Variants in VANGL2 observed in about 807,000 individuals in gnomAD.
VANGL2 encodes vang-like protein 2.
In VANGL2, 14 loss-of-function variants were observed where a neutral mutation model predicts 50.2. The observed-to-expected ratio is 0.28, with a 90% CI of 0.18 to 0.44. The LOEUF (loss-of-function observed/expected upper bound fraction) is 0.44. Ranked by LOEUF, VANGL2 falls within the 20% of genes least tolerant of loss-of-function variation. The pLI, the probability that VANGL2 is intolerant of heterozygous loss-of-function variation, is 1.00. For synonymous variants in VANGL2, 295 were observed against 297.2 expected, an observed-to-expected ratio of 0.99 and a Z score of 0.08; for missense variants, 533 against 701.5, an observed-to-expected ratio of 0.76 and a Z score of 2.71.
Position 160,419,501 on chromosome 1 carries a change from A to G in VANGL2, c.692A>G (p.Tyr231Cys). The G allele has an allele frequency of 6.2e-7, 1 of 1,603,492 alleles. No individual in the cohort carries two copies. Among genetic ancestry groups the G allele is most frequent in the Non-Finnish European group, 8.5e-7 (1 of 1,179,840 alleles). The change falls in exon 4 of 8, where the codon TAC becomes TGC. Residue 231 changes from tyrosine (Y) to cysteine (C), a missense_variant. Coordinates refer to ENST00000368061, the MANE Select transcript of VANGL2 (RefSeq NM_020335.3). The surrounding 1 kb of genome is among the most constrained non-coding windows in gnomAD (Gnocchi z 5.8). Reference protein sequence around the residue: ...SLVDALLFVHYLAVVLLELRQ... With the variant: ...SLVDALLFVHCLAVVLLELRQ... Reference sequence around the variant, plus strand: ...GTGGACGCCCTTCTTTTCGTGCACTACCTGGCCGTGGTCCTGCTGGAGCTG... The same window carrying G: ...GTGGACGCCCTTCTTTTCGTGCACTGCCTGGCCGTGGTCCTGCTGGAGCTG...
At chr1:160,406,072 T>C (rs779943166) in intron 1 of VANGL2, among the ~76,000 whole-genome samples, 5 of 152,184 alleles carry the variant, frequency 3.3e-5, no homozygotes, top group Non-Finnish European at 7.3e-5. Context: ...ATATTCTGCA[T>C]ACATTATTTT....
Position 160,427,406 on chromosome 1 carries a change from C to A in VANGL2, c.*2028C>A, listed in dbSNP as rs1282926644. The A allele has an allele frequency of 6.6e-6, 1 of 152,112 alleles. No homozygotes were observed. Among genetic ancestry groups the A allele is most frequent in the Non-Finnish European group, 1.5e-5 (1 of 67,952 alleles). 9.4% of individuals were successfully genotyped at this position (152,112 alleles called of 1,614,324 possible). A position where few individuals can be genotyped will look rare whatever the true frequency, so the allele number is the denominator to read the frequency against. On this transcript the variant is annotated 3_prime_UTR_variant, in exon 8 of 8. Coordinates refer to ENST00000368061, the MANE Select transcript of VANGL2 (RefSeq NM_020335.3). Reference sequence around the variant, plus strand: ...GGGGAGTGTTTATTTTAAGATCCTGCCATGTTTTTAATCACTGTGATTTTT... The same window carrying A: ...GGGGAGTGTTTATTTTAAGATCCTGACATGTTTTTAATCACTGTGATTTTT...
At chr1:160,421,429 C>T (rs1651270365) in intron 6 of VANGL2, among the ~76,000 whole-genome samples, 1 of 152,176 alleles carries the variant, frequency 6.6e-6, no homozygotes, top group South Asian at 2.1e-4. Flanking sequence ...TGTGCTCAGG[C>T]CTCACAGGCT....
At chr1:160,404,287 A>C (rs1159814649) in intron 1 of VANGL2, among the ~76,000 whole-genome samples, 2 of 152,142 alleles carry the variant, frequency 1.3e-5, no homozygotes, top group African/African-American at 2.4e-5. Flanking sequence ...CAGCCCAGTG[A>C]GTGCTGTGTG....
intron 7 of VANGL2, 85 bp downstream of exon 7, chr1:160,424,368 C>T (rs1651377107): frequency 1.5e-6 from 2 of 1,297,386 alleles, no homozygotes; most frequent in Admixed American, 1.9e-5. Context: ...TCTCTCACTA[C>T]TTTCCTCACT....
Position 160,427,520 on chromosome 1 carries a change from T to C in VANGL2, c.*2142T>C, listed in dbSNP as rs542625492. The C allele has an allele frequency of 2.6e-5, 4 of 152,326 alleles. No individual in the cohort carries two copies. Among genetic ancestry groups the C allele is most frequent in the Admixed American group, 1.3e-4 (2 of 15,266 alleles). 9.4% of individuals were successfully genotyped at this position (152,326 alleles called of 1,614,324 possible). The stretch of plus-strand genomic sequence containing the variant: ...CCTGAGAATGGTAGCATTTTGGTCT[T>C]TTGCTTCAGAACTGTGGTATCTTTG... On this transcript the variant is annotated 3_prime_UTR_variant, in exon 8 of 8. Transcript: ENST00000368061.
At chr1:160,413,320 G>A (rs1403856235) in intron 1 of VANGL2, among the ~76,000 whole-genome samples, 9 of 148,060 alleles carry the variant, frequency 6.1e-5, no homozygotes, top group Non-Finnish European at 1.2e-4. Flanking sequence ...TCGTTCTGTC[G>A]CCCAGGCTGG....
chr1:160,402,507 C>T (rs1289694600), intron 1 of VANGL2, among the ~76,000 whole-genome samples: 1 of 152,064 alleles, frequency 6.6e-6, no homozygotes, highest in Non-Finnish European at 1.5e-5. Context: ...GCTTGGGTTC[C>T]CTGCCCATGG....
chr1:160,415,879 G>T lies in VANGL2; in HGVS notation c.42G>T (p.Ser14=). ...ESQYSGYSYK[S]GHSRSSRKHR... The stretch of plus-strand genomic sequence containing the variant: ...AGTACTCGGGCTATTCCTACAAGTC[G>T]GGCCACTCCCGCAGCTCCCGCAAGC... Residue 14 remains serine, a synonymous_variant, in exon 2 of 8, where the codon TCG becomes TCT. Coordinates refer to ENST00000368061, the MANE Select transcript of VANGL2 (RefSeq NM_020335.3). The T allele has an allele frequency of 6.2e-7, 1 of 1,614,134 alleles. No individual in the cohort carries two copies.
intron 6 of VANGL2, 109 bp from the exon 7 acceptor site, chr1:160,423,943 C>A: frequency 8.1e-7 from 1 of 1,230,308 alleles, no homozygotes; most frequent in Non-Finnish European, 1.2e-6. Context: ...TTTGGGTGAG[C>A]ACAAAGGCCT....
At position 160,424,155 on chromosome 1, in the gene VANGL2, G is replaced by A. The variant is rs1396707767; in HGVS notation, c.1177G>A (p.Ala393Thr). 6.2e-7 allele frequency: 1 copy of A among 1,614,204 alleles called. No individual in the cohort carries two copies. The highest frequency in any genetic ancestry group is 2.2e-5 in the East Asian group (1 of 44,884). The change falls in exon 7 of 8, where the codon GCC becomes ACC. Residue 393 changes from alanine (A) to threonine (T), a missense_variant. Physicochemically the swap from Ala to Thr is moderately conservative, Grantham distance 58. Coordinates refer to ENST00000368061, the MANE Select transcript of VANGL2 (RefSeq NM_020335.3). ...EVMDPREAAQ[A>T]IFASMARAMQ... ...GATGGACCCCCGGGAGGCAGCCCAA[G>A]CCATCTTTGCATCCATGGCCCGTGC...
chr1:160,415,822 G>C lies in VANGL2; in HGVS notation c.-16G>C, dbSNP rs189802721. 4 of 1,610,916 alleles carry C rather than the reference G, an allele frequency of 2.5e-6. No individual in the cohort carries two copies. In the South Asian group the frequency reaches 4.4e-5, roughly 18 times the overall value. ...CTGCGGCCCTGGAGCGCTACAAGGC[G>C]CGGCGTTCAGACGCCATGGACACCG... On this transcript the variant is annotated 5_prime_UTR_variant, in exon 2 of 8. Coordinates refer to ENST00000368061, the MANE Select transcript of VANGL2 (RefSeq NM_020335.3).
intron 6 of VANGL2, among the ~76,000 whole-genome samples, chr1:160,423,519 C>CT (rs376128584): frequency 1.3e-5 from 2 of 152,122 alleles, no homozygotes; most frequent in African/African-American, 4.8e-5. Flanking sequence ...CTCCTTTGCC[C>CT]TTTTTTCTCT....
chr1:160,420,995 G>A, intron 5 of VANGL2, 57 bp from the exon 6 acceptor site: 1 of 1,610,882 alleles, frequency 6.2e-7, no homozygotes. Flanking sequence ...AGCTCCTGGA[G>A]TGGGAAGAGA....
intron 3 of VANGL2, 57 bp downstream of exon 3, chr1:160,416,239 G>A: frequency 6.2e-7 from 1 of 1,612,436 alleles, no homozygotes; most frequent in Non-Finnish European, 8.5e-7. Flanking sequence ...CTCCTGAGGG[G>A]CTGGAGGCTC....
intron 1 of VANGL2, among the ~76,000 whole-genome samples, chr1:160,413,822 C>T (rs936678036): frequency 6.6e-6 from 1 of 152,170 alleles, no homozygotes; most frequent in Non-Finnish European, 1.5e-5. Context: ...TTCACACACT[C>T]AGTACCTCCA....
intron 6 of VANGL2, among the ~76,000 whole-genome samples, chr1:160,422,634 A>C (rs2101970292): frequency 6.6e-6 from 1 of 152,262 alleles, no homozygotes; most frequent in East Asian, 1.9e-4. Context: ...CTCTTAGGCC[A>C]GGGGGCTTTT....
In VANGL2 at chr1:160,419,158, C is replaced by T. The variant is rs1651169339; in HGVS notation, c.349C>T (p.Leu117=). ...LGVAAGATLA[L]LSFLTPLAFL... is the part of the protein sequence containing the mutation. ...TGTGGCAGCGGGGGCCACCCTGGCA[C>T]TGCTGTCTTTCCTCACGCCTCTGGC... Residue 117 remains leucine, a synonymous_variant, in exon 4 of 8, where the codon CTG becomes TTG. Coordinates refer to ENST00000368061, the MANE Select transcript of VANGL2 (RefSeq NM_020335.3). This position sits in a 1 kb window ranked among gnomAD's most constrained non-coding sequence, Gnocchi z 5.8. The T allele has an allele frequency of 1.2e-6, 2 of 1,614,144 alleles. No individual in the cohort carries two copies. The highest frequency in any genetic ancestry group is 1.7e-6 in the Non-Finnish European group (2 of 1,180,030).
In VANGL2 at chr1:160,416,110, G is replaced by A. The variant is rs200086093; in HGVS notation, c.120G>A (p.Gly40=). ...CTAAGAGTCGAGATGGGGGCCGAGGGGACAAGTCGGTGACAATCCAGGCTC... is the reference window on the plus strand; with the variant it reads ...CTAAGAGTCGAGATGGGGGCCGAGGAGACAAGTCGGTGACAATCCAGGCTC... ...HRSKSRDGGR[G]DKSVTIQAPG... Residue 40 remains glycine (G), a synonymous_variant, in exon 3 of 8, where the codon GGG becomes GGA. Coordinates refer to ENST00000368061, the MANE Select transcript of VANGL2 (RefSeq NM_020335.3). 25 of 1,614,238 alleles carry A rather than the reference G, an allele frequency of 1.5e-5. No individual in the cohort carries two copies. In the East Asian group the frequency reaches 5.3e-4, roughly 35 times the overall value.
Sources: allele counts gnomAD v4.1 joint callset (sites outside exome capture counted in the v4.1 genomes callset), GRCh38; gene constraint gnomAD v4.1.1; non-coding constraint Gnocchi (gnomAD v3.1); transcripts MANE v1.5; gene names NCBI Gene and HGNC (gene_info 2026-07-23, HGNC 2026-07-21).